PRICKLE1: variants seen among roughly 807,000 people sequenced by gnomAD.
PRICKLE1 encodes the protein prickle planar cell polarity protein 1.
A neutral mutation model predicts 70.2 loss-of-function variants in PRICKLE1; 14 were observed. That is an observed-to-expected ratio of 0.20 (90% CI 0.13 to 0.31). The LOEUF (loss-of-function observed/expected upper bound fraction) is 0.31. Ranked by LOEUF, PRICKLE1 falls within the 10% of genes least tolerant of loss-of-function variation. The probability of loss-of-function intolerance (pLI) is 1.00; values close to 1 mark genes in which losing one functional copy is unlikely to be tolerated. For missense variants in PRICKLE1, 821 were observed against 1,026.2 expected, an observed-to-expected ratio of 0.80 and a Z score of 2.73; for synonymous variants, 357 against 379.9, an observed-to-expected ratio of 0.94 and a Z score of 0.70.
intron 1 of PRICKLE1, among the ~76,000 whole-genome samples, chr12:42,566,351 G>T (rs888476432): frequency 2.0e-5 from 3 of 152,196 alleles, no homozygotes; most frequent in Non-Finnish European, 4.4e-5. Flanking sequence ...GGTGGTTGCT[G>T]AAGCTACTAA....
At chr12:42,502,212 TATACAC>T (rs1939324447) in intron 1 of PRICKLE1, among the ~76,000 whole-genome samples, 3 of 147,296 alleles carry the variant, frequency 2.0e-5, no homozygotes, top group Non-Finnish European at 4.4e-5. Flanking sequence ...CACCTATATA[TATACAC>T]ACACCTATAC....
chr12:42,553,645 G>C (rs1282029571), intron 1 of PRICKLE1, among the ~76,000 whole-genome samples: 1 of 152,012 alleles, frequency 6.6e-6, no homozygotes, highest in Non-Finnish European at 1.5e-5. Context: ...GTAAAATACA[G>C]ATAATAGCAG....
At chr12:42,478,022 A>G (rs1249663781) in intron 1 of PRICKLE1, among the ~76,000 whole-genome samples, 1 of 149,928 alleles carries the variant, frequency 6.7e-6, no homozygotes, top group Non-Finnish European at 1.5e-5. Context: ...AAGTTGCAAT[A>G]GTAAAAGAAC....
In PRICKLE1 at chr12:42,476,343, C is replaced by T. The variant is rs140753037; in HGVS notation, c.-48-3779G>A. ...GATTACAGGCATGTGCCACCACACC[C>T]AGCTAATTTCATATTTTTAGTAGAG... On this transcript the variant is annotated intron_variant, in intron 1 of 7. Transcript: ENST00000345127. Among the ~76,000 whole-genome samples the T allele has an allele frequency of 9.6e-3, 1,454 of 151,300 alleles. 25 individuals are homozygous for T. Among genetic ancestry groups the T allele is most frequent in the Admixed American group, 0.029 (439 of 15,236 alleles).
chr12:42,516,393 A>G (rs1164204822), intron 1 of PRICKLE1, among the ~76,000 whole-genome samples: 1 of 151,972 alleles, frequency 6.6e-6, no homozygotes, highest in Non-Finnish European at 1.5e-5. Context: ...CGGCCTCCCA[A>G]AGTGCTGGTA....
At chr12:42,472,297 G>C in intron 2 of PRICKLE1, 88 bp downstream of exon 2, 1 of 1,423,420 alleles carries the variant, frequency 7.0e-7, no homozygotes, top group Non-Finnish European at 9.8e-7. Flanking sequence ...GCATCTCAGT[G>C]ATGTTCTATC....
intron 1 of PRICKLE1, among the ~76,000 whole-genome samples, chr12:42,564,269 A>AAAAAAAAAAAAAAAAAAAAG (rs71084673): frequency 4.0e-5 from 5 of 125,008 alleles, no homozygotes; most frequent in African/African-American, 6.1e-5. Context: ...AAAAAAAAAA[A>AAAAAAAAAAAAAAAAAAAAG]AAAGAAAAGA....
At chr12:42,470,095 T>C in intron 3 of PRICKLE1, 151 bp downstream of exon 3, 3 of 651,658 alleles carry the variant, frequency 4.6e-6, no homozygotes, top group Non-Finnish European at 8.2e-6. Flanking sequence ...TCTCAAAGAA[T>C]GGAAAGCTGT....
chr12:42,475,776 C>G (rs1309187793), intron 1 of PRICKLE1, among the ~76,000 whole-genome samples: 1 of 151,808 alleles, frequency 6.6e-6, no homozygotes, highest in African/African-American at 2.4e-5. Context: ...CGCAAGTTCT[C>G]AGAGCTCATC....
At chr12:42,547,147 A>G (rs986659757) in intron 1 of PRICKLE1, among the ~76,000 whole-genome samples, 2 of 152,212 alleles carry the variant, frequency 1.3e-5, no homozygotes, top group Admixed American at 6.5e-5. Flanking sequence ...TATTTCCCTG[A>G]TAAATCTTCC....
chr12:42,569,442 T>C (rs1940672360), intron 1 of PRICKLE1, among the ~76,000 whole-genome samples: 1 of 152,234 alleles, frequency 6.6e-6, no homozygotes, highest in Admixed American at 6.5e-5. Flanking sequence ...TGTTGAAGAC[T>C]GCCATCTAGT....
At chr12:42,465,998 A>G in intron 6 of PRICKLE1, 196 bp downstream of exon 6, 1 of 652,072 alleles carries the variant, frequency 1.5e-6, no homozygotes, top group Non-Finnish European at 2.7e-6. Flanking sequence ...ACAGAACACA[A>G]CTACTGCAAG....
At chr12:42,496,560 G>A (rs1299360613) in intron 1 of PRICKLE1, among the ~76,000 whole-genome samples, 3 of 152,202 alleles carry the variant, frequency 2.0e-5, no homozygotes, top group Non-Finnish European at 4.4e-5. Flanking sequence ...AGATGGCATC[G>A]TCTTCCAGTA....
At chr12:42,491,277 G>C (rs1287638424) in intron 1 of PRICKLE1, among the ~76,000 whole-genome samples, 1 of 151,518 alleles carries the variant, frequency 6.6e-6, no homozygotes, top group Middle Eastern at 3.2e-3. Context: ...CAGTGGCCGG[G>C]CGCGGTAGCT....
chr12:42,580,695 G>C (rs185423904), intron 1 of PRICKLE1, among the ~76,000 whole-genome samples: 43 of 152,260 alleles, frequency 2.8e-4, no homozygotes, highest in African/African-American at 9.6e-4. Context: ...AGGCACTGTG[G>C]TAGGCATGAG....
At position 42,459,347 on chromosome 12, in the gene PRICKLE1, A is replaced by T; in HGVS notation, c.*462T>A. On this transcript the variant is annotated 3_prime_UTR_variant, in exon 8 of 8. Coordinates refer to ENST00000345127, the MANE Select transcript of PRICKLE1 (RefSeq NM_153026.3). ...GAGGGGACAAGCTGGCCTCACAATA[A>T]GATGCACAGTGTTAGCTAGGTCATC... The T allele has an allele frequency of 1.4e-6, 1 of 702,566 alleles. No homozygotes were observed. Among genetic ancestry groups the T allele is most frequent in the Non-Finnish European group, 2.6e-6 (1 of 384,988 alleles). 43.5% of individuals were successfully genotyped at this position (702,566 alleles called of 1,614,324 possible). A position where few individuals can be genotyped will look rare whatever the true frequency, so the allele number is the denominator to read the frequency against.
chr12:42,491,436 C>A (rs530001113), intron 1 of PRICKLE1, among the ~76,000 whole-genome samples: 1 of 151,512 alleles, frequency 6.6e-6, no homozygotes, highest in Non-Finnish European at 1.5e-5. Flanking sequence ...GCCTGTAATC[C>A]CAGCTTCTCG....
chr12:42,487,765 G>A (rs1429028906), intron 1 of PRICKLE1, among the ~76,000 whole-genome samples: 1 of 152,168 alleles, frequency 6.6e-6, no homozygotes, highest in East Asian at 1.9e-4. Flanking sequence ...AAAAATCTCG[G>A]CCAAGCGTAG....
intron 1 of PRICKLE1, among the ~76,000 whole-genome samples, chr12:42,575,655 T>C (rs1204781526): frequency 6.6e-6 from 1 of 151,706 alleles, no homozygotes; most frequent in Non-Finnish European, 1.5e-5. Context: ...GATAGTGCCA[T>C]TGTACTCCAG....
Sources: gnomAD v4.1 joint callset for allele counts (sites outside exome capture counted in the v4.1 genomes callset) on GRCh38, gnomAD v4.1.1 for gene constraint, MANE v1.5 for transcripts, NCBI Gene and HGNC (gene_info 2026-07-23, HGNC 2026-07-21) for gene names.